The following RSRC1 variants were observed in gnomAD, a reference collection of about 807,000 sequenced individuals.
The protein encoded by RSRC1 is serine/Arginine-related protein 53.
In RSRC1, 39 loss-of-function variants were observed where a neutral mutation model predicts 49.1. That is an observed-to-expected ratio of 0.79 (90% CI 0.61 to 1.04). The LOEUF (loss-of-function observed/expected upper bound fraction) is 1.04, where lower values mean the gene tolerates loss of function less well. RSRC1 is among the 50% of genes least tolerant of loss of function. RSRC1 has a pLI of 0.00. For missense variants in RSRC1, 388 were observed against 402.4 expected (o/e 0.96, Z 0.31); for synonymous variants, 143 against 130.8 (o/e 1.09, Z -0.63).
At chr3:158,200,505 A>T (rs1720980745) in intron 3 of RSRC1, among the ~76,000 whole-genome samples, 1 of 152,200 alleles carries the variant, frequency 6.6e-6, no homozygotes, top group African/African-American at 2.4e-5. Flanking sequence ...TATTGATATA[A>T]TTAGATTTAA....
At chr3:158,525,406 T>C (rs1576607747) in intron 7 of RSRC1, among the ~76,000 whole-genome samples, 2 of 152,078 alleles carry the variant, frequency 1.3e-5, no homozygotes, top group East Asian at 1.9e-4. Flanking sequence ...TAACGCCAAC[T>C]GTTGATGAAG....
rs756776025 is a variant in RSRC1 at position 158,470,361 on chromosome 3, C to CACACACAT, written c.652+9359_652+9360insCACACATA. Among the ~76,000 whole-genome samples the CACACACAT allele has an allele frequency of 1.6e-4, 16 of 100,344 alleles. No homozygotes were observed. The South Asian group carries it at 1.7e-3, about 11-fold the overall frequency. 65.8% of individuals were successfully genotyped at this position (100,344 alleles called of 152,430 possible). On this transcript the variant is annotated intron_variant, in intron 7 of 9. Coordinates refer to ENST00000611884, the MANE Select transcript of RSRC1 (RefSeq NM_001271838.2). Reference sequence around the variant, plus strand: ...ACACACACACACACACACACACACACATATATATATATATATATAAAACCA... The same window carrying CACACACAT: ...ACACACACACACACACACACACACACACACACATATATATATATATATATATAAAACCA...
intron 1 of RSRC1, among the ~76,000 whole-genome samples, chr3:158,118,512 A>G (rs1223710224): frequency 1.3e-5 from 2 of 149,188 alleles, no homozygotes; most frequent in East Asian, 2.0e-4. Flanking sequence ...ATTTTAAGCT[A>G]TCTGTCCTAT....
At chr3:158,197,654 C>T (rs909151249) in intron 3 of RSRC1, among the ~76,000 whole-genome samples, 1 of 152,078 alleles carries the variant, frequency 6.6e-6, no homozygotes, top group East Asian at 1.9e-4. Context: ...CCTCTACACA[C>T]TGCTTTGAAT....
chr3:158,257,637 A>G (rs974184532), intron 4 of RSRC1, among the ~76,000 whole-genome samples: 2 of 152,088 alleles, frequency 1.3e-5, no homozygotes, highest in African/African-American at 4.8e-5. Flanking sequence ...ATTTACATTC[A>G]GGGTTTTTAT....
chr3:158,133,364 G>C (rs1716161001), intron 3 of RSRC1, among the ~76,000 whole-genome samples: 1 of 151,980 alleles, frequency 6.6e-6, no homozygotes, highest in African/African-American at 2.4e-5. Context: ...TTTTATTGAG[G>C]ACATATCTTA....
At chr3:158,134,417 A>G (rs1209726016) in intron 3 of RSRC1, among the ~76,000 whole-genome samples, 1 of 152,208 alleles carries the variant, frequency 6.6e-6, no homozygotes, top group East Asian at 1.9e-4. Context: ...TTCAGAGATT[A>G]AACTTGTTGT....
At chr3:158,323,720 G>T (rs1559992755) in intron 5 of RSRC1, among the ~76,000 whole-genome samples, 1 of 152,092 alleles carries the variant, frequency 6.6e-6, no homozygotes, top group Non-Finnish European at 1.5e-5. Flanking sequence ...TTTGCCTCAG[G>T]AATATATTTC....
intron 7 of RSRC1, among the ~76,000 whole-genome samples, chr3:158,474,799 T>C (rs995032956): frequency 6.6e-6 from 1 of 152,204 alleles, no homozygotes; most frequent in African/African-American, 2.4e-5. Context: ...CCTTAAATAC[T>C]GTACCTACAG....
intron 3 of RSRC1, among the ~76,000 whole-genome samples, chr3:158,154,354 G>A (rs901187912): frequency 1.4e-4 from 22 of 151,986 alleles, no homozygotes; most frequent in African/African-American, 5.3e-4. Context: ...GGGTGGCGGT[G>A]GCAATTTAAA....
chr3:158,337,942 AATT>A (rs1437083394), intron 5 of RSRC1, among the ~76,000 whole-genome samples: 2 of 152,212 alleles, frequency 1.3e-5, no homozygotes, highest in Non-Finnish European at 2.9e-5. Flanking sequence ...TGGTAGATTG[AATT>A]ATTATTCTAC....
At chr3:158,483,809 T>C (rs1738709996) in intron 7 of RSRC1, among the ~76,000 whole-genome samples, 1 of 152,154 alleles carries the variant, frequency 6.6e-6, no homozygotes, top group South Asian at 2.1e-4. Context: ...TTCTTTTATA[T>C]ATTGGTATAA....
chr3:158,444,954 A>G (rs1376543788), intron 6 of RSRC1, among the ~76,000 whole-genome samples: 10 of 152,326 alleles, frequency 6.6e-5, no homozygotes, highest in Non-Finnish European at 1.5e-5. Context: ...CCACAATGAG[A>G]TACCATCTCA....
chr3:158,277,019 A>G (rs1056029696), intron 4 of RSRC1, among the ~76,000 whole-genome samples: 5 of 152,194 alleles, frequency 3.3e-5, no homozygotes, highest in African/African-American at 4.8e-5. Flanking sequence ...TAAACAGTAT[A>G]TATATATTTA....
intron 1 of RSRC1, among the ~76,000 whole-genome samples, chr3:158,121,657 T>C (rs1321099512): frequency 6.6e-6 from 1 of 152,136 alleles, no homozygotes; most frequent in Non-Finnish European, 1.5e-5. Context: ...ATTTTGTCAT[T>C]AGGGAATGTG....
At chr3:158,464,444 A>C (rs1737774658) in intron 7 of RSRC1, among the ~76,000 whole-genome samples, 1 of 151,956 alleles carries the variant, frequency 6.6e-6, no homozygotes, top group Non-Finnish European at 1.5e-5. Context: ...TAGTTTTTTT[A>C]CTTCAAATAT....
At chr3:158,154,467 A>AC (rs1344124962) in intron 3 of RSRC1, among the ~76,000 whole-genome samples, 1 of 132,262 alleles carries the variant, frequency 7.6e-6, no homozygotes, top group Non-Finnish European at 1.7e-5. Flanking sequence ...CGATCATAGA[A>AC]CTTTTTTTTT....
At chr3:158,176,907 GC>G (rs1719256766) in intron 3 of RSRC1, among the ~76,000 whole-genome samples, 1 of 152,058 alleles carries the variant, frequency 6.6e-6, no homozygotes, top group African/African-American at 2.4e-5. Context: ...CTGACAAAGG[GC>G]TAATATCCAG....
chr3:158,178,744 C>A (rs968378814), intron 3 of RSRC1, among the ~76,000 whole-genome samples: 1 of 152,018 alleles, frequency 6.6e-6, no homozygotes, highest in Non-Finnish European at 1.5e-5. Context: ...AAACCTGGTA[C>A]CTTGATGAAG....
Sources: gnomAD v4.1 joint callset for allele counts (sites outside exome capture counted in the v4.1 genomes callset) on GRCh38, gnomAD v4.1.1 for gene constraint, MANE v1.5 for transcripts, NCBI Gene and HGNC (gene_info 2026-07-23, HGNC 2026-07-21) for gene names.